The following ATP6V1C2 variants were observed in gnomAD, a reference collection of about 807,000 sequenced individuals.
ATP6V1C2 encodes V-type proton ATPase subunit C 2.
ATP6V1C2 carries 45 observed loss-of-function variants against 56.8 expected under a neutral mutation model. The ratio of observed to expected loss-of-function variants is 0.79; its 90% CI spans 0.62 to 1.02. ATP6V1C2 has a LOEUF of 1.02. Among genes scored for constraint, ATP6V1C2 ranks in the 50% least tolerant of loss-of-function variants. ATP6V1C2 has a pLI of 0.00. For synonymous variants in ATP6V1C2, 220 were observed against 201.3 expected (o/e 1.09, Z -0.79); for missense variants, 463 against 519.7 (o/e 0.89, Z 1.06).
chr2:10,742,601 G>A (rs1342029642), intron 3 of ATP6V1C2, among the ~76,000 whole-genome samples: 3 of 152,150 alleles, frequency 2.0e-5, no homozygotes, highest in Non-Finnish European at 4.4e-5. Flanking sequence ...GAAGAGTCCT[G>A]GGGGCCCTGC....
In ATP6V1C2 at chr2:10,782,231, C is replaced by G. The variant is rs1224550435; in HGVS notation, c.1062-12C>G. On this transcript the variant is annotated splice_polypyrimidine_tract_variant and intron_variant, in intron 12 of 13. Coordinates refer to ENST00000272238, the MANE Select transcript of ATP6V1C2 (RefSeq NM_001039362.2). The stretch of plus-strand genomic sequence containing the variant: ...GGAGCAGTGAACTGACACATTTTGT[C>G]TATCTGAAAAGGTATGGACTACCAG... 1.1e-5 allele frequency: 18 copies of G among 1,613,408 alleles called. No individual in the cohort carries two copies. The highest frequency in any genetic ancestry group is 1.4e-5 in the Non-Finnish European group (17 of 1,179,736).
At position 10,784,147 on chromosome 2, in the gene ATP6V1C2, G is replaced by T; in HGVS notation, c.*884G>T. The T allele has an allele frequency of 1.5e-6, 1 of 673,014 alleles. No individual in the cohort carries two copies. Among genetic ancestry groups the T allele is most frequent in the Non-Finnish European group, 2.4e-6 (1 of 409,648 alleles). The allele number at this position is 673,014 out of a possible 1,614,324, so 41.7% of individuals were successfully genotyped here. On this transcript the variant is annotated 3_prime_UTR_variant, in exon 14 of 14. Coordinates refer to ENST00000272238, the MANE Select transcript of ATP6V1C2 (RefSeq NM_001039362.2). ...ATGACCAATCAAGTACTACTTCTTG[G>T]TTAAAAGGCCACTGGTAGAGTCATC...
intron 8 of ATP6V1C2, among the ~76,000 whole-genome samples, chr2:10,773,540 G>A (rs765412003): frequency 1.3e-5 from 2 of 152,014 alleles, no homozygotes; most frequent in Non-Finnish European, 2.9e-5. Flanking sequence ...GCACCAACAC[G>A]GCCAGCTAAT....
intron 3 of ATP6V1C2, among the ~76,000 whole-genome samples, chr2:10,739,538 C>T (rs1662434008): frequency 6.6e-6 from 1 of 151,996 alleles, no homozygotes; most frequent in Non-Finnish European, 1.5e-5. Flanking sequence ...ACCCCCCACC[C>T]ACCACCCCAG....
chr2:10,763,526 G>C lies in ATP6V1C2; in HGVS notation c.284-805G>C, dbSNP rs1664044217. On this transcript the variant is annotated intron_variant, in intron 4 of 13. Coordinates refer to ENST00000272238, the MANE Select transcript of ATP6V1C2 (RefSeq NM_001039362.2). This position sits in a 1 kb window ranked among gnomAD's most constrained non-coding sequence, Gnocchi z 4.2. ...CAGTCCCCTTTCATGCACCAGGATA[G>C]ACCAGGAAGTGTAGGTGCACAGGGA... is the stretch of plus-strand genomic sequence containing the variant. Among the ~76,000 whole-genome samples the C allele has an allele frequency of 6.6e-6, 1 of 152,172 alleles. No individual in the cohort carries two copies. The highest frequency in any genetic ancestry group is 1.5e-5 in the Non-Finnish European group (1 of 68,026).
chr2:10,748,781 AT>A (rs964159988), intron 3 of ATP6V1C2, among the ~76,000 whole-genome samples: 1 of 151,852 alleles, frequency 6.6e-6, no homozygotes, highest in South Asian at 2.1e-4. Context: ...CTGAGTCTTA[AT>A]TTTTTTCATC....
At chr2:10,768,611 G>A (rs1184198346) in intron 5 of ATP6V1C2, 108 bp from the exon 6 acceptor site, 2 of 886,420 alleles carry the variant, frequency 2.3e-6, no homozygotes, top group Admixed American at 1.9e-5. Flanking sequence ...AATGGGCAGG[G>A]CAGTTATTTT....
intron 4 of ATP6V1C2, among the ~76,000 whole-genome samples, chr2:10,760,936 C>G (rs1198865): frequency 0.48 from 72,995 of 152,074 alleles, 19,191 homozygotes; most frequent in African/African-American, 0.7. Flanking sequence ...TGGTTGCCGG[C>G]GGGGGTCTGT....
intron 3 of ATP6V1C2, among the ~76,000 whole-genome samples, chr2:10,749,130 C>CAAA (rs56095492): frequency 1.1e-5 from 1 of 94,772 alleles, no homozygotes; most frequent in Non-Finnish European, 2.1e-5. Flanking sequence ...AACTCCGTCT[C>CAAA]AAAAAAAAAA....
intron 3 of ATP6V1C2, 67 bp from the exon 4 acceptor site, chr2:10,753,914 C>A: frequency 7.2e-7 from 1 of 1,392,766 alleles, no homozygotes; most frequent in Non-Finnish European, 1.0e-6. Flanking sequence ...TTCCTGCCAG[C>A]AGCATGTGAC....
intron 5 of ATP6V1C2, among the ~76,000 whole-genome samples, chr2:10,764,887 C>T (rs1425735509): frequency 6.6e-6 from 1 of 152,038 alleles, no homozygotes; most frequent in Non-Finnish European, 1.5e-5. Flanking sequence ...AGGAGAATCA[C>T]TTGAACCCGG....
intron 3 of ATP6V1C2, among the ~76,000 whole-genome samples, chr2:10,745,394 G>A (rs1394658950): frequency 2.7e-5 from 4 of 147,436 alleles, no homozygotes; most frequent in South Asian, 2.2e-4. Context: ...TCACTCTGTC[G>A]CCCAGGCTGG....
intron 7 of ATP6V1C2, among the ~76,000 whole-genome samples, chr2:10,772,234 AT>A (rs1664661549): frequency 6.6e-6 from 1 of 152,164 alleles, no homozygotes; most frequent in Non-Finnish European, 1.5e-5. Flanking sequence ...GGTGATTCCC[AT>A]TGTCCTGAGG....
intron 3 of ATP6V1C2, among the ~76,000 whole-genome samples, chr2:10,728,543 G>A (rs1374175093): frequency 6.6e-6 from 1 of 152,082 alleles, no homozygotes; most frequent in South Asian, 2.1e-4. Flanking sequence ...TATTTGAATA[G>A]ACTGGTGGAT....
chr2:10,730,128 T>C (rs1049619913), intron 3 of ATP6V1C2, among the ~76,000 whole-genome samples: 14 of 152,144 alleles, frequency 9.2e-5, no homozygotes, highest in Non-Finnish European at 2.1e-4. Context: ...GAGTATTTCT[T>C]TTTTTAAGAC....
At chr2:10,751,644 G>A (rs991541228) in intron 3 of ATP6V1C2, among the ~76,000 whole-genome samples, 3 of 152,160 alleles carry the variant, frequency 2.0e-5, no homozygotes, top group African/African-American at 7.2e-5. Flanking sequence ...CGACTGGATG[G>A]TTGGAAGGGA....
chr2:10,729,282 A>G (rs1186245803), intron 3 of ATP6V1C2, among the ~76,000 whole-genome samples: 1 of 151,234 alleles, frequency 6.6e-6, no homozygotes, highest in East Asian at 2.0e-4. Context: ...TCCTGCCTCA[A>G]CCTCCCGAGT....
intron 2 of ATP6V1C2, among the ~76,000 whole-genome samples, chr2:10,724,311 A>C (rs1661522474): frequency 6.6e-6 from 1 of 152,100 alleles, no homozygotes; most frequent in Admixed American, 6.6e-5. Flanking sequence ...CCATTTGCTA[A>C]CGTTTGTTGA....
At position 10,732,320 on chromosome 2, in the gene ATP6V1C2, G is replaced by A. The variant is rs868802935; in HGVS notation, c.197+5751G>A. Among the ~76,000 whole-genome samples the A allele has an allele frequency of 6.6e-5, 10 of 151,894 alleles. No individual in the cohort carries two copies. The East Asian group carries it at 7.8e-4, about 12-fold the overall frequency. ...ACTGCCCAGGCTGAAGCGCAGTGGC[G>A]TGATCTTGGCTCACTGCAACCTCCG... On this transcript the variant is annotated intron_variant, in intron 3 of 13. Transcript: ENST00000272238.
Sources: gnomAD v4.1 joint callset for allele counts (sites outside exome capture counted in the v4.1 genomes callset) on GRCh38, gnomAD v4.1.1 for gene constraint, Gnocchi (gnomAD v3.1) non-coding constraint, MANE v1.5 for transcripts, NCBI Gene and HGNC (gene_info 2026-07-23, HGNC 2026-07-21) for gene names.